Variants in ADTRP observed in about 807,000 individuals in gnomAD.
The protein encoded by ADTRP is androgen-dependent TFPI-regulating protein.
Under a neutral mutation model 27.0 loss-of-function variants are expected in ADTRP, and 20 were observed. That is an observed-to-expected ratio of 0.74 (90% CI 0.52 to 1.08). ADTRP has a LOEUF of 1.08. Ranked by LOEUF, ADTRP falls within the 50% of genes least tolerant of loss-of-function variation. The pLI is 0.00. For synonymous variants in ADTRP, 101 were observed against 105.2 expected, an observed-to-expected ratio of 0.96 and a Z score of 0.25; for missense variants, 251 against 275.0, an observed-to-expected ratio of 0.91 and a Z score of 0.62.
intron 1 of ADTRP, 91 bp downstream of exon 1, chr6:11,778,516 G>T: frequency 1.4e-6 from 2 of 1,416,052 alleles, no homozygotes; most frequent in East Asian, 2.4e-5. Flanking sequence ...TAACAAAATT[G>T]TGTATTTAAT....
At chr6:11,751,381 A>C (rs953592807) in intron 3 of ADTRP, among the ~76,000 whole-genome samples, 1 of 152,054 alleles carries the variant, frequency 6.6e-6, no homozygotes, top group Non-Finnish European at 1.5e-5. Context: ...ATTTTTTTCT[A>C]GTCAGTATTT....
At chr6:11,730,981 G>A (rs1490171244) in intron 4 of ADTRP, among the ~76,000 whole-genome samples, 1 of 152,226 alleles carries the variant, frequency 6.6e-6, no homozygotes, top group East Asian at 1.9e-4. Context: ...CAGTGGGCAT[G>A]GTGTGCTAAC....
intron 4 of ADTRP, among the ~76,000 whole-genome samples, chr6:11,728,152 C>T (rs1002570847): frequency 3.3e-5 from 5 of 152,196 alleles, no homozygotes; most frequent in African/African-American, 7.2e-5. Flanking sequence ...AATCTTCCTT[C>T]AGCCTCCTTC....
chr6:11,742,454 C>A (rs957584349), intron 3 of ADTRP, among the ~76,000 whole-genome samples: 3 of 152,148 alleles, frequency 2.0e-5, no homozygotes, highest in African/African-American at 7.2e-5. Flanking sequence ...CACAAATACA[C>A]CAACCAGAAG....
intron 1 of ADTRP, chr6:11,769,965 C>A: frequency 6.6e-7 from 1 of 1,505,300 alleles, no homozygotes; most frequent in Non-Finnish European, 9.1e-7. Context: ...TCATAACAAC[C>A]TTACGAGCCA....
intron 5 of ADTRP, chr6:11,717,180 A>AT (rs1465283161): frequency 3.1e-6 from 3 of 968,842 alleles, no homozygotes; most frequent in South Asian, 1.8e-5. Flanking sequence ...ATTGAGAAGC[A>AT]TTTTTCCCAG....
intron 3 of ADTRP, among the ~76,000 whole-genome samples, chr6:11,765,936 T>G (rs1005030598): frequency 8.5e-5 from 13 of 152,156 alleles, no homozygotes; most frequent in Non-Finnish European, 7.3e-5. Flanking sequence ...TTTTAAAGCT[T>G]ACTTCATTCC....
At chr6:11,722,622 T>TA (rs901882169) in intron 5 of ADTRP, among the ~76,000 whole-genome samples, 9 of 151,700 alleles carry the variant, frequency 5.9e-5, no homozygotes, top group South Asian at 2.1e-4. Context: ...TTTCCAACAA[T>TA]AAAAAAATAT....
intron 5 of ADTRP, among the ~76,000 whole-genome samples, chr6:11,715,806 C>CTTTTTTTTTTT (rs55961408): frequency 1.3e-5 from 1 of 77,730 alleles, no homozygotes; most frequent in Non-Finnish European, 2.2e-5. Flanking sequence ...CCATGCCCAG[C>CTTTTTTTTTTT]TTTTTTTTTT....
At chr6:11,770,115 A>C (rs1763720979) in intron 1 of ADTRP, 1 of 1,545,584 alleles carries the variant, frequency 6.5e-7, no homozygotes. Flanking sequence ...AAAAATTATC[A>C]GGTTTCTGAG....
At chr6:11,717,073 G>C in intron 5 of ADTRP, 1 of 326,974 alleles carries the variant, frequency 3.1e-6, no homozygotes, top group South Asian at 3.1e-5. Context: ...GGAAACTGTT[G>C]ACTTAATAAT....
intron 3 of ADTRP, among the ~76,000 whole-genome samples, chr6:11,757,214 A>AT (rs896352979): frequency 2.6e-5 from 4 of 152,016 alleles, no homozygotes; most frequent in African/African-American, 9.6e-5. Context: ...TTGATTTTTG[A>AT]TTTTTTTTAG....
chr6:11,767,688 C>T (rs533942912), intron 2 of ADTRP: 1 of 152,408 alleles, frequency 6.6e-6, no homozygotes, highest in East Asian at 1.9e-4. Context: ...CTCACTTCTT[C>T]CTGACATCCA....
At chr6:11,732,817 G>A (rs1762430363) in intron 4 of ADTRP, among the ~76,000 whole-genome samples, 1 of 152,178 alleles carries the variant, frequency 6.6e-6, no homozygotes, top group Non-Finnish European at 1.5e-5. Context: ...CAAGCACATA[G>A]AGCTGGGAAC....
chr6:11,737,515 C>A (rs1369983154), intron 3 of ADTRP, among the ~76,000 whole-genome samples: 1 of 152,250 alleles, frequency 6.6e-6, no homozygotes, highest in Non-Finnish European at 1.5e-5. Flanking sequence ...GAAGCAGTAG[C>A]TTCCTCCCAT....
At position 11,766,365 on chromosome 6, in the gene ADTRP, A is replaced by G. The variant is rs1187736422; in HGVS notation, c.299T>C (p.Leu100Ser). The G allele has an allele frequency of 6.2e-7, 1 of 1,610,510 alleles. No individual in the cohort carries two copies. The highest frequency in any genetic ancestry group is 1.1e-5 in the South Asian group (1 of 90,662). The change falls in exon 3 of 6, where the codon TTG becomes TCG. Residue 100 changes from leucine (L) to serine (S), a missense_variant. Transcript: ENST00000414691. ...GTAGAGAAAGAGGATCCAGAATGCC[A>G]AAAATACAAACTGGAAAATAAAACA... ...LAFPVSTFVF[L>S]AFWILFLYNR... is the part of the protein sequence containing the mutation.
chr6:11,764,337 G>T (rs192524707), intron 3 of ADTRP, among the ~76,000 whole-genome samples: 5 of 152,060 alleles, frequency 3.3e-5, no homozygotes, highest in East Asian at 3.8e-4. Flanking sequence ...ACCCTGAAGT[G>T]GGGGGGAGAT....
At chr6:11,723,672 A>G (rs1762091033) in intron 4 of ADTRP, among the ~76,000 whole-genome samples, 172 bp from the exon 5 acceptor site, 1 of 152,212 alleles carries the variant, frequency 6.6e-6, no homozygotes, top group African/African-American at 2.4e-5. Flanking sequence ...TTTTCTGGGT[A>G]AATCAACTTG....
intron 4 of ADTRP, among the ~76,000 whole-genome samples, chr6:11,727,304 G>GC (rs2113882854): frequency 6.6e-6 from 1 of 152,302 alleles, no homozygotes; most frequent in African/African-American, 2.4e-5. Flanking sequence ...ACAAGCATGA[G>GC]CCACCATGGC....
Sources: allele counts gnomAD v4.1 joint callset (sites outside exome capture counted in the v4.1 genomes callset), GRCh38; gene constraint gnomAD v4.1.1; transcripts MANE v1.5; gene names NCBI Gene and HGNC (gene_info 2026-07-23, HGNC 2026-07-21).